BRD2: variants seen among roughly 807,000 people sequenced by gnomAD.
BRD2 encodes bromodomain containing 2, also known as bromodomain-containing protein 2.
Under a neutral mutation model 79.1 loss-of-function variants are expected in BRD2, and 15 were observed. The ratio of observed to expected loss-of-function variants is 0.19; its 90% CI spans 0.13 to 0.29. The LOEUF (loss-of-function observed/expected upper bound fraction) is 0.29, where lower values mean the gene tolerates loss of function less well. Among genes scored for constraint, BRD2 ranks in the 10% least tolerant of loss-of-function variants. The pLI, the probability that BRD2 is intolerant of heterozygous loss-of-function variation, is 1.00. For synonymous variants in BRD2, 488 were observed against 358.6 expected (o/e 1.36, Z -4.08); for missense variants, 1,053 against 991.3 (o/e 1.06, Z -0.84).
rs770122099 is a variant in BRD2, at chr6:32,980,424, C to T, written c.2229C>T (p.Val743=). Residue 743 remains valine, a synonymous_variant, in exon 12 of 13, where the codon GTC becomes GTT. Transcript: ENST00000374825. ...AATTAGAAAAGCGGTTACAAGATGT[C>T]AGCGGACAGCTCAATTCTACTAAAA... ...KRELEKRLQD[V]SGQLNSTKKP... 3.1e-6 allele frequency: 5 copies of T among 1,613,098 alleles called. No individual in the cohort carries two copies. Among genetic ancestry groups the T allele is most frequent in the East Asian group, 4.5e-5 (2 of 44,894 alleles).
intron 10 of BRD2, chr6:32,978,720 A>G (rs909920809): frequency 8.1e-6 from 3 of 370,342 alleles, no homozygotes; most frequent in Admixed American, 4.4e-5. Context: ...GCTTCTGCTG[A>G]TGTGACAGGC....
At position 32,975,369 on chromosome 6, in the gene BRD2, CAT is replaced by C; in HGVS notation, c.334-14_334-13del. 3 of 1,593,570 alleles carry C rather than the reference CAT, an allele frequency of 1.9e-6. No homozygotes were observed. Among genetic ancestry groups the C allele is most frequent in the Non-Finnish European group, 2.6e-6 (3 of 1,165,990 alleles). The stretch of plus-strand genomic sequence containing the variant: ...TTATTTTTCTGTGGTTCTGACCTAA[CAT>C]TTTTTTATTTAGGATTATCACAAAA... On this transcript the variant is annotated splice_polypyrimidine_tract_variant and intron_variant, in intron 3 of 12. Coordinates refer to ENST00000374825, the MANE Select transcript of BRD2 (RefSeq NM_005104.4).
Position 32,976,870 on chromosome 6 carries a change from T to C in BRD2, c.1134T>C (p.Ala378=). Residue 378 remains alanine, a synonymous_variant, in exon 7 of 13, where the codon GCT becomes GCC. Transcript: ENST00000374825. ...GGCCTTTCTATAAACCAGTGGATGC[T>C]TCTGCACTTGGCCTGCATGACTACC... ...YAWPFYKPVD[A]SALGLHDYHD... is the part of the protein sequence containing the mutation. 1 of 1,613,154 alleles carries C rather than the reference T, an allele frequency of 6.2e-7. No individual in the cohort carries two copies. The highest frequency in any genetic ancestry group is 8.5e-7 in the Non-Finnish European group (1 of 1,180,022).
Position 32,978,352 on chromosome 6 carries a change from C to T in BRD2, c.1805C>T (p.Pro602Leu), listed in dbSNP as rs868107120. 3 of 1,612,932 alleles carry T rather than the reference C, an allele frequency of 1.9e-6. No individual in the cohort carries two copies. The highest frequency in any genetic ancestry group is 2.7e-5 in the African/African-American group (2 of 75,022). The change falls in exon 10 of 13, where the codon CCT becomes CTT. Residue 602 changes from proline (P) to leucine (L), a missense_variant. Around this residue, in one of 5 missense-constraint regions of BRD2, gnomAD observed 454 missense variants for 430.5 expected, o/e 1.05. Transcript: ENST00000374825. ...GGGGGTGGCAGTGCTGCTTTAGGCC[C>T]TTCTGGCTTTGGACCTTCTGGAGGA... ...GSGGGSAALG[P>L]SGFGPSGGSG...
rs149750370 is a variant in BRD2 at position 32,970,361 on chromosome 6, C to T, written c.-1304-1234C>T. On this transcript the variant is annotated intron_variant, in intron 1 of 12. Transcript: ENST00000374825. ...TCTCCTGACGCTCATTTTCCCCCGC[C>T]CTCCCGGGGTTTGCCCTACTCGGGG... is the stretch of plus-strand genomic sequence containing the variant. 78 of 152,486 alleles carry T rather than the reference C, an allele frequency of 5.1e-4. No individual in the cohort carries two copies. In the East Asian group the frequency reaches 0.014, roughly 27 times the overall value. 9.4% of individuals were successfully genotyped at this position (152,486 alleles called of 1,614,324 possible). A position where few individuals can be genotyped will look rare whatever the true frequency, so the allele number is the denominator to read the frequency against.
At position 32,972,873 on chromosome 6, in the gene BRD2, G is replaced by A; in HGVS notation, c.-26G>A. On this transcript the variant is annotated 5_prime_UTR_variant, in exon 2 of 13. Transcript: ENST00000374825. ...GCCACCCGGACTTTCCGCGGCTGAG[G>A]GCAGCGCCGGTTCCTTGCGGTCAAG... 1 of 1,613,996 alleles carries A rather than the reference G, an allele frequency of 6.2e-7. No homozygotes were observed. Among genetic ancestry groups the A allele is most frequent in the Middle Eastern group, 1.6e-4 (1 of 6,062 alleles).
rs373257186 is a variant in BRD2, at chr6:32,980,183, G to A, written c.2146+51G>A. ...ATGGTTCTGAGGACAGTTGAGGAAA[G>A]ATGGTGGGGTCTGTTTGCATTCAGG... On this transcript the variant is annotated intron_variant, in intron 11 of 12. Transcript: ENST00000374825. The A allele has an allele frequency of 5.9e-5, 94 of 1,585,778 alleles. 1 individual carries two copies. The African/African-American group carries it at 8.5e-4, about 14-fold the overall frequency.
Position 32,974,680 on chromosome 6 carries a change from A to C in BRD2, c.248A>C (p.His83Pro). The change falls in exon 3 of 13, where the codon CAC becomes CCC. Residue 83 changes from histidine to proline, a missense_variant. His to Pro is a moderately conservative substitution (Grantham distance 77). Around this residue, in one of 5 missense-constraint regions of BRD2, gnomAD observed 413 missense variants for 335.1 expected, o/e 1.23. Coordinates refer to ENST00000374825, the MANE Select transcript of BRD2 (RefSeq NM_005104.4). Reference sequence around the variant, plus strand: ...GTTACCAACCAGCTGCAATACCTACACAAGGTAGTGATGAAGGCTCTGTGG... The same window carrying C: ...GTTACCAACCAGCTGCAATACCTACCCAAGGTAGTGATGAAGGCTCTGTGG... ...GRVTNQLQYL[H>P]KVVMKALWKH... is the part of the protein sequence containing the mutation. 1 of 1,614,178 alleles carries C rather than the reference A, an allele frequency of 6.2e-7. No individual in the cohort carries two copies. The highest frequency in any genetic ancestry group is 8.5e-7 in the Non-Finnish European group (1 of 1,180,024).
At chr6:32,971,315 G>A (rs1306448195) in intron 1 of BRD2, 2 of 336,564 alleles carry the variant, frequency 5.9e-6, no homozygotes, top group Non-Finnish European at 1.1e-5. Flanking sequence ...GTAGGTGTGA[G>A]TGGGGAGGGA....
rs759093650 is a variant in BRD2 at position 32,972,239 on chromosome 6, G to C, written c.-660G>C. On this transcript the variant is annotated 5_prime_UTR_variant, in exon 2 of 13. Transcript: ENST00000374825. ...GTGGAGCAGCCTCTAGAACGAGCTG[G>C]AGGATTCTGCCTACCGATACAGAGC... 308 of 484,940 alleles carry C rather than the reference G, an allele frequency of 6.4e-4. 1 individual carries two copies. Among genetic ancestry groups the C allele is most frequent in the Non-Finnish European group, 1.0e-3 (274 of 263,086 alleles). The allele number at this position is 484,940 out of a possible 1,614,324, so 30.0% of individuals were successfully genotyped here. A position where few individuals can be genotyped will look rare whatever the true frequency, so the allele number is the denominator to read the frequency against.
At position 32,971,611 on chromosome 6, in the gene BRD2, G is replaced by T; in HGVS notation, c.-1288G>T. ...TCGTTTCAGATTCTTCGCTGCTGCTGCCTTACCGCCGAGAACCACCACCCG... is the reference window on the plus strand; with the variant it reads ...TCGTTTCAGATTCTTCGCTGCTGCTTCCTTACCGCCGAGAACCACCACCCG... On this transcript the variant is annotated 5_prime_UTR_variant, in exon 2 of 13. Coordinates refer to ENST00000374825, the MANE Select transcript of BRD2 (RefSeq NM_005104.4). The T allele has an allele frequency of 2.2e-6, 1 of 455,310 alleles. No individual in the cohort carries two copies. The highest frequency in any genetic ancestry group is 3.9e-6 in the Non-Finnish European group (1 of 258,090). The allele number at this position is 455,310 out of a possible 1,614,324, so 28.2% of individuals were successfully genotyped here.
Position 32,975,384 on chromosome 6 carries a change from G to A in BRD2, c.334G>A (p.Asp112Asn). 1 of 1,601,630 alleles carries A rather than the reference G, an allele frequency of 6.2e-7. No individual in the cohort carries two copies. Among genetic ancestry groups the A allele is most frequent in the Non-Finnish European group, 8.5e-7 (1 of 1,172,824 alleles). Residue 112 changes from aspartate to asparagine, a missense_variant and splice_region_variant, in exon 4 of 13, where the codon GAT becomes AAT. By Grantham distance (23) the Asp-to-Asn change is conservative. This residue lies in a region of BRD2 where 413 missense variants were observed against 335.1 expected (regional missense o/e 1.23). Coordinates refer to ENST00000374825, the MANE Select transcript of BRD2 (RefSeq NM_005104.4). ...PVDAVKLGLPDYHKIIKQPMD... is the reference protein window; with the variant it reads ...PVDAVKLGLPNYHKIIKQPMD... ...TCTGACCTAACATTTTTTTATTTAGGATTATCACAAAATTATAAAACAGCC... is the reference window on the plus strand; with the variant it reads ...TCTGACCTAACATTTTTTTATTTAGAATTATCACAAAATTATAAAACAGCC...
At chr6:32,973,407 C>T (rs982115236) in intron 2 of BRD2, among the ~76,000 whole-genome samples, 2 of 152,044 alleles carry the variant, frequency 1.3e-5, no homozygotes, top group South Asian at 2.1e-4. Context: ...GTTCCTAATG[C>T]CCAGGGTATG....
intron 10 of BRD2, chr6:32,979,536 T>C (rs1057206206): frequency 2.3e-6 from 1 of 437,562 alleles, no homozygotes. Context: ...GTGGAGCAAG[T>C]CTTTCAACAG....
At chr6:32,978,673 C>G (rs1187129627) in intron 10 of BRD2, 1 of 533,890 alleles carries the variant, frequency 1.9e-6, no homozygotes, top group Admixed American at 3.5e-5. Context: ...ACCATGCGCA[C>G]TTCACAGTAG....
At position 32,968,972 on chromosome 6, in the gene BRD2, G is replaced by T. The variant is rs1432345254; in HGVS notation, c.-1389G>T. The T allele has an allele frequency of 1.9e-4, 29 of 151,044 alleles. No individual in the cohort carries two copies. In the East Asian group the frequency reaches 3.7e-3, roughly 19 times the overall value. The allele number at this position is 151,044 out of a possible 1,614,324, so 9.4% of individuals were successfully genotyped here. On this transcript the variant is annotated 5_prime_UTR_variant, in exon 1 of 13. Transcript: ENST00000374825. ...CTCCCCCAGCACGGCTTCGTTTTCTGGGGGGGGGTTGACACCCCGGATTAC... is the reference window on the plus strand; with the variant it reads ...CTCCCCCAGCACGGCTTCGTTTTCTTGGGGGGGGTTGACACCCCGGATTAC...
rs977814573 is a variant in BRD2, at chr6:32,978,234, C to T, written c.1687C>T (p.His563Tyr). Residue 563 changes from histidine (H) to tyrosine (Y), a missense_variant, in exon 10 of 13, where the codon CAT becomes TAT. By Grantham distance (83) the His-to-Tyr change is moderately conservative (BLOSUM62 2). Around this residue, in one of 5 missense-constraint regions of BRD2, gnomAD observed 454 missense variants for 430.5 expected, o/e 1.05. Coordinates refer to ENST00000374825, the MANE Select transcript of BRD2 (RefSeq NM_005104.4). ...AAAGAAGAAACGGAAGGCAGAGAAG[C>T]ATCGAGGCCGAGCTGGGGCCGATGA... ...EKKKKRKAEK[H>Y]RGRAGADEDD... 1 of 1,612,930 alleles carries T rather than the reference C, an allele frequency of 6.2e-7. No individual in the cohort carries two copies. The highest frequency in any genetic ancestry group is 8.5e-7 in the Non-Finnish European group (1 of 1,180,036).
intron 3 of BRD2, chr6:32,975,165 A>G (rs1017633639): frequency 1.4e-6 from 2 of 1,449,424 alleles, no homozygotes; most frequent in African/African-American, 2.8e-5. Context: ...GGGTGGTTAG[A>G]GAAAGGCAGC....
Position 32,978,073 on chromosome 6 carries a change from C to A in BRD2, c.1579-53C>A. 5 of 1,581,878 alleles carry A rather than the reference C, an allele frequency of 3.2e-6. No homozygotes were observed. In the South Asian group the frequency reaches 5.8e-5, roughly 18 times the overall value. ...ATGCCCTTTGTCCTCATTTTTTCTT[C>A]TTGTTATTTTATCTTTATTTACTTT... is the stretch of plus-strand genomic sequence containing the variant. On this transcript the variant is annotated intron_variant, in intron 9 of 12. Transcript: ENST00000374825.
Sources: gnomAD v4.1 joint callset for allele counts (sites outside exome capture counted in the v4.1 genomes callset) on GRCh38, gnomAD v4.1.1 for gene constraint, gnomAD v4.1.1 regional missense constraint, MANE v1.5 for transcripts, NCBI Gene and HGNC (gene_info 2026-07-23, HGNC 2026-07-21) for gene names.